Variants in DLGAP2 observed in about 807,000 individuals in gnomAD.
DLGAP2 encodes the protein disks large-associated protein 2.
In DLGAP2, 26 loss-of-function variants were observed where a neutral mutation model predicts 100.3. The observed-to-expected ratio is 0.26, with a 90% CI of 0.19 to 0.36. The LOEUF (loss-of-function observed/expected upper bound fraction) is 0.36, where lower values mean the gene tolerates loss of function less well. DLGAP2 is among the 10% of genes least tolerant of loss of function. The pLI is 1.00. For synonymous variants in DLGAP2, 886 were observed against 630.1 expected (o/e 1.41, Z -6.08); for missense variants, 1,858 against 1,453.2 (o/e 1.28, Z -4.53).
At position 1,114,496 on chromosome 8, in the gene DLGAP2, A is replaced by G. The variant is rs1445819707; in HGVS notation, c.74-144355A>G. ...CTAGATTGTGTGCATAGAGGTGTTC[A>G]TAGTAGTTTTTGGTGGTTATTTTTA... On this transcript the variant is annotated intron_variant, in intron 2 of 14. Coordinates refer to ENST00000637795, the MANE Select transcript of DLGAP2 (RefSeq NM_001346810.2). Among the ~76,000 whole-genome samples, 6 of 152,244 alleles carry G rather than the reference A, an allele frequency of 3.9e-5. No individual in the cohort carries two copies. In the East Asian group the frequency reaches 1.2e-3, roughly 29 times the overall value.
At chr8:1,032,066 G>C (rs925072448) in intron 2 of DLGAP2, among the ~76,000 whole-genome samples, 1 of 152,206 alleles carries the variant, frequency 6.6e-6, no homozygotes, top group Non-Finnish European at 1.5e-5. Flanking sequence ...GATTCAAGGA[G>C]CATTTGTGAA....
At chr8:837,046 G>A (rs1227686682) in intron 1 of DLGAP2, among the ~76,000 whole-genome samples, 2 of 152,200 alleles carry the variant, frequency 1.3e-5, no homozygotes, top group Non-Finnish European at 2.9e-5. Flanking sequence ...CCAGATTCCC[G>A]GGGTTCGAGT....
intron 2 of DLGAP2, among the ~76,000 whole-genome samples, chr8:1,029,588 T>C (rs1229402516): frequency 7.6e-6 from 1 of 131,262 alleles, no homozygotes; most frequent in Non-Finnish European, 1.5e-5. Flanking sequence ...GCCAAGGGCG[T>C]CCAGTGGTGC....
chr8:1,558,879 T>TAC lies in DLGAP2; in HGVS notation c.1231-6789_1231-6788dup, dbSNP rs757120711. ...CACACACATACACATATACGTACTTTACACACACACACACACGGCTTAAAG... is the reference window on the plus strand; with the variant it reads ...CACACACATACACATATACGTACTTTACACACACACACACACACGGCTTAAAG... On this transcript the variant is annotated intron_variant, in intron 5 of 14. Coordinates refer to ENST00000637795, the MANE Select transcript of DLGAP2 (RefSeq NM_001346810.2). Among the ~76,000 whole-genome samples, 1,420 of 151,166 alleles carry TAC rather than the reference T, an allele frequency of 9.4e-3. 21 individuals carry two copies. Among genetic ancestry groups the TAC allele is most frequent in the African/African-American group, 0.031 (1,273 of 41,276 alleles).
chr8:1,058,215 G>C (rs932758586), intron 2 of DLGAP2, among the ~76,000 whole-genome samples: 1 of 152,016 alleles, frequency 6.6e-6, no homozygotes, highest in African/African-American at 2.4e-5. Flanking sequence ...TGGCCGGATT[G>C]ACTAGCAGTG....
At chr8:1,592,601 C>A (rs1233237045) in intron 6 of DLGAP2, among the ~76,000 whole-genome samples, 1 of 152,036 alleles carries the variant, frequency 6.6e-6, no homozygotes, top group African/African-American at 2.4e-5. Context: ...TTCAGGGCTC[C>A]CATTGCATTA....
chr8:1,556,055 C>G (rs185501776), intron 5 of DLGAP2, among the ~76,000 whole-genome samples: 2 of 152,200 alleles, frequency 1.3e-5, no homozygotes, highest in African/African-American at 4.8e-5. Flanking sequence ...TCAAGATGGT[C>G]GTGGATGCAG....
At chr8:1,699,396 G>A (rs1453039570) in intron 14 of DLGAP2, among the ~76,000 whole-genome samples, 1 of 151,366 alleles carries the variant, frequency 6.6e-6, no homozygotes, top group African/African-American at 2.4e-5. Flanking sequence ...ATGAGGTCAG[G>A]AGATCAAGAT....
intron 3 of DLGAP2, among the ~76,000 whole-genome samples, chr8:1,477,690 C>T (rs1163818578): frequency 6.6e-6 from 1 of 152,076 alleles, no homozygotes; most frequent in African/African-American, 2.4e-5. Context: ...TATTTACTTC[C>T]CTGACATTTA....
intron 2 of DLGAP2, among the ~76,000 whole-genome samples, chr8:1,210,940 A>G (rs1185093208): frequency 1.3e-5 from 2 of 150,506 alleles, no homozygotes; most frequent in African/African-American, 4.8e-5. Context: ...AATCAATGCC[A>G]TTTTCCATTA....
At chr8:819,415 T>C (rs1796544646) in intron 1 of DLGAP2, among the ~76,000 whole-genome samples, 1 of 151,636 alleles carries the variant, frequency 6.6e-6, no homozygotes, top group South Asian at 2.1e-4. Context: ...GGTGCAGGAG[T>C]AAGTGGGAAA....
intron 3 of DLGAP2, among the ~76,000 whole-genome samples, chr8:1,335,233 G>C (rs191448306): frequency 3.3e-5 from 5 of 152,300 alleles, no homozygotes; most frequent in Admixed American, 2.6e-4. Context: ...AGGAGGCTTC[G>C]AGCTCCAAAC....
chr8:1,384,027 A>G (rs865776822), intron 3 of DLGAP2, among the ~76,000 whole-genome samples: 70 of 152,216 alleles, frequency 4.6e-4, no homozygotes, highest in African/African-American at 1.4e-3. Context: ...CCCAACAAGA[A>G]AGGGGTTTTC....
chr8:1,545,430 G>A (rs559529988), intron 4 of DLGAP2, among the ~76,000 whole-genome samples: 1 of 152,308 alleles, frequency 6.6e-6, no homozygotes, highest in East Asian at 1.9e-4. Context: ...GGAGATGGTT[G>A]TACGTTCATG....
intron 2 of DLGAP2, among the ~76,000 whole-genome samples, chr8:1,215,698 C>T (rs1347632089): frequency 1.0e-4 from 1 of 9,822 alleles, no homozygotes. Flanking sequence ...TGGAGACGTC[C>T]AGGTACCTGG....
rs369927991 is a variant in DLGAP2, at chr8:1,310,318, C to T, written c.106+51435C>T. Among the ~76,000 whole-genome samples, 4 of 152,126 alleles carry T rather than the reference C, an allele frequency of 2.6e-5. No individual in the cohort carries two copies. In the East Asian group the frequency reaches 5.8e-4, roughly 22 times the overall value. On this transcript the variant is annotated intron_variant, in intron 3 of 14. Coordinates refer to ENST00000637795, the MANE Select transcript of DLGAP2 (RefSeq NM_001346810.2). The stretch of plus-strand genomic sequence containing the variant: ...GAAGGGTCAATTCAACAAGGAGATA[C>T]AATGATTTTAAATATATATGTACCA...
rs141101572 is a variant in DLGAP2, at chr8:1,504,990, C to CA, written c.172+3565dup. Reference sequence around the variant, plus strand: ...ATGAAAGGATAATTAAGAGAAAAAGCAAAAAACACAAAAAGAAAGGAAGGA... The same window carrying CA: ...ATGAAAGGATAATTAAGAGAAAAAGCAAAAAAACACAAAAAGAAAGGAAGGA... On this transcript the variant is annotated intron_variant, in intron 4 of 14. Coordinates refer to ENST00000637795, the MANE Select transcript of DLGAP2 (RefSeq NM_001346810.2). Among the ~76,000 whole-genome samples the CA allele has an allele frequency of 8.5e-3, 1,291 of 151,450 alleles. 12 individuals are homozygous for CA. The highest frequency in any genetic ancestry group is 0.024 in the African/African-American group (998 of 41,310).
intron 3 of DLGAP2, among the ~76,000 whole-genome samples, chr8:1,313,370 C>T (rs1403244940): frequency 2.0e-5 from 3 of 152,196 alleles, no homozygotes; most frequent in Non-Finnish European, 4.4e-5. Flanking sequence ...CCACTGGATT[C>T]TGGAGGAATC....
chr8:911,303 C>T, intron 2 of DLGAP2, among the ~76,000 whole-genome samples: 1 of 144,438 alleles, frequency 6.9e-6, no homozygotes, highest in Middle Eastern at 4.5e-3. Flanking sequence ...GCTGGAGAAT[C>T]TTGGAAGGAT....
Sources: allele counts gnomAD v4.1 joint callset (sites outside exome capture counted in the v4.1 genomes callset), GRCh38; gene constraint gnomAD v4.1.1; transcripts MANE v1.5; gene names NCBI Gene and HGNC (gene_info 2026-07-23, HGNC 2026-07-21).